Variants in NRXN1 observed in about 807,000 individuals in gnomAD.
NRXN1 encodes the protein neurexin-1.
In NRXN1, 39 loss-of-function variants were observed where a neutral mutation model predicts 150.9. The ratio of observed to expected loss-of-function variants is 0.26; its 90% CI spans 0.20 to 0.34. The LOEUF (loss-of-function observed/expected upper bound fraction) is 0.34. NRXN1 is among the 10% of genes least tolerant of loss of function. The pLI is 1.00. For missense variants in NRXN1, 1,815 were observed against 1,949.9 expected (o/e 0.93, Z 1.30); for synonymous variants, 924 against 757.0 (o/e 1.22, Z -3.62).
At chr2:50,822,389 A>T (rs1304649150) in intron 5 of NRXN1, among the ~76,000 whole-genome samples, 1 of 152,168 alleles carries the variant, frequency 6.6e-6, no homozygotes, top group Non-Finnish European at 1.5e-5. Flanking sequence ...CAATTTCTAG[A>T]TTAGTTATAT....
chr2:50,392,568 A>G (rs980852773), intron 17 of NRXN1, among the ~76,000 whole-genome samples: 3 of 152,154 alleles, frequency 2.0e-5, no homozygotes, highest in Non-Finnish European at 4.4e-5. Context: ...CTAAATTTTG[A>G]GCTAAACTCT....
chr2:50,517,340 C>T (rs1270567802), intron 12 of NRXN1, among the ~76,000 whole-genome samples: 1 of 152,068 alleles, frequency 6.6e-6, no homozygotes, highest in African/African-American at 2.4e-5. Flanking sequence ...TATGATATAG[C>T]TCAGTGCCTT....
At position 50,832,834 on chromosome 2, in the gene NRXN1, T is replaced by C. The variant is rs932983694; in HGVS notation, c.832+89035A>G. 9.2e-5 allele frequency among the ~76,000 whole-genome samples: 14 copies of C among 152,284 alleles called. No individual in the cohort carries two copies. The East Asian group carries it at 1.5e-3, about 17-fold the overall frequency. Reference sequence around the variant, plus strand: ...GATATAGTGAGAAAGCATGAGAAGATTTAGAAATGCTAAACATCATCAAAA... The same window carrying C: ...GATATAGTGAGAAAGCATGAGAAGACTTAGAAATGCTAAACATCATCAAAA... On this transcript the variant is annotated intron_variant, in intron 5 of 22. Transcript: ENST00000401669.
At chr2:50,086,961 T>C (rs1563027) in intron 19 of NRXN1, among the ~76,000 whole-genome samples, 50,676 of 151,930 alleles carry the variant, frequency 0.33, 9,753 homozygotes, top group African/African-American at 0.51. Context: ...TAGTACTTTA[T>C]CTTTTGATAC....
intron 4 of NRXN1, among the ~76,000 whole-genome samples, chr2:50,922,185 G>C (rs917025114): frequency 1.3e-5 from 2 of 151,782 alleles, no homozygotes; most frequent in African/African-American, 2.4e-5. Context: ...TGATTCTGTG[G>C]AACACTATAC....
At position 50,381,536 on chromosome 2, in the gene NRXN1, C is replaced by T. The variant is rs1008561837; in HGVS notation, c.3364+83906G>A. 2.0e-3 allele frequency among the ~76,000 whole-genome samples: 286 copies of T among 146,184 alleles called. 2 individuals are homozygous for T. The highest frequency in any genetic ancestry group is 6.4e-3 in the African/African-American group (255 of 40,008). Reference sequence around the variant, plus strand: ...TCAGGCTTTTAAACACACACACACACACACACACACACACACACACACACA... The same window carrying T: ...TCAGGCTTTTAAACACACACACACATACACACACACACACACACACACACA... On this transcript the variant is annotated intron_variant, in intron 17 of 22. Coordinates refer to ENST00000401669, the MANE Select transcript of NRXN1 (RefSeq NM_001330078.2).
chr2:50,641,405 G>T (rs557003845), intron 5 of NRXN1, among the ~76,000 whole-genome samples: 1 of 152,078 alleles, frequency 6.6e-6, no homozygotes, highest in Non-Finnish European at 1.5e-5. Context: ...GGTCAAGATT[G>T]AATGTCCCTG....
At chr2:50,519,694 TA>T (rs2092731584) in intron 12 of NRXN1, among the ~76,000 whole-genome samples, 1 of 151,944 alleles carries the variant, frequency 6.6e-6, no homozygotes, top group Non-Finnish European at 1.5e-5. Context: ...TAACTTATAC[TA>T]ACACATCTAG....
In NRXN1 at chr2:50,680,404, A is replaced by G. The variant is rs111389365; in HGVS notation, c.833-56789T>C. ...CTTAGCTTTAAAATTAAAAAAGAAA[A>G]AAGATTTTAAAATAGCAAGCAAGCT... On this transcript the variant is annotated intron_variant, in intron 5 of 22. Transcript: ENST00000401669. Among the ~76,000 whole-genome samples the G allele has an allele frequency of 2.7e-3, 407 of 152,260 alleles. 2 individuals are homozygous for G. Among genetic ancestry groups the G allele is most frequent in the African/African-American group, 9.5e-3 (393 of 41,570 alleles).
At chr2:50,373,582 GGAAA>G (rs1280643413) in intron 17 of NRXN1, among the ~76,000 whole-genome samples, 1 of 140,560 alleles carries the variant, frequency 7.1e-6, no homozygotes, top group Non-Finnish European at 1.5e-5. Flanking sequence ...CCCTGAATTT[GGAAA>G]GAAAGAAAGA....
intron 5 of NRXN1, among the ~76,000 whole-genome samples, chr2:50,920,192 C>T (rs1685797220): frequency 6.6e-6 from 1 of 151,712 alleles, no homozygotes; most frequent in Non-Finnish European, 1.5e-5. Flanking sequence ...AAAACAAATT[C>T]CTGTCCTCTG....
chr2:50,317,526 A>G (rs1021916125), intron 17 of NRXN1, among the ~76,000 whole-genome samples: 3 of 151,990 alleles, frequency 2.0e-5, no homozygotes, highest in African/African-American at 7.2e-5. Context: ...AGTGGAAAAA[A>G]AAATTCAAAA....
At chr2:50,342,753 A>T (rs1255179357) in intron 17 of NRXN1, among the ~76,000 whole-genome samples, 3 of 152,218 alleles carry the variant, frequency 2.0e-5, no homozygotes, top group Admixed American at 6.5e-5. Flanking sequence ...GGCATAGAGG[A>T]CCCTCTTAGT....
At chr2:50,006,374 T>C (rs1236940015) in intron 21 of NRXN1, among the ~76,000 whole-genome samples, 3 of 152,130 alleles carry the variant, frequency 2.0e-5, no homozygotes, top group Admixed American at 1.3e-4. Context: ...GCTCTAATAA[T>C]TCCATTCCCT....
intron 2 of NRXN1, chr2:50,964,010 C>T (rs1393656837): frequency 2.3e-6 from 1 of 432,442 alleles, no homozygotes; most frequent in South Asian, 1.7e-5. Flanking sequence ...GAGCAACATG[C>T]TAATCAGCAT....
chr2:49,978,078 C>G (rs1019796909), intron 21 of NRXN1, among the ~76,000 whole-genome samples: 1 of 152,078 alleles, frequency 6.6e-6, no homozygotes, highest in African/African-American at 2.4e-5. Context: ...AGGAGAATCG[C>G]TTGAACCAGG....
chr2:50,384,773 G>A (rs1015762339), intron 17 of NRXN1, among the ~76,000 whole-genome samples: 17 of 151,922 alleles, frequency 1.1e-4, no homozygotes, highest in Admixed American at 5.2e-4. Flanking sequence ...TACTTTTAGA[G>A]CCACATACAA....
At chr2:50,590,715 G>A (rs945583375) in intron 8 of NRXN1, among the ~76,000 whole-genome samples, 3 of 152,164 alleles carry the variant, frequency 2.0e-5, no homozygotes, top group African/African-American at 7.2e-5. Flanking sequence ...TGAGGATACA[G>A]CAAGAAGATG....
At chr2:50,755,301 T>A (rs1701041047) in intron 5 of NRXN1, among the ~76,000 whole-genome samples, 1 of 151,832 alleles carries the variant, frequency 6.6e-6, no homozygotes, top group Admixed American at 6.6e-5. Context: ...AGTCTTCATT[T>A]CCTTATTTGT....
Sources: allele counts gnomAD v4.1 joint callset (sites outside exome capture counted in the v4.1 genomes callset), GRCh38; gene constraint gnomAD v4.1.1; transcripts MANE v1.5; gene names NCBI Gene and HGNC (gene_info 2026-07-23, HGNC 2026-07-21).